CSMD1: variants seen among roughly 807,000 people sequenced by gnomAD.
The protein encoded by CSMD1 is CUB and Sushi multiple domains 1.
Under a neutral mutation model 417.5 loss-of-function variants are expected in CSMD1, and 213 were observed. The ratio of observed to expected loss-of-function variants is 0.51; its 90% CI spans 0.46 to 0.57. The LOEUF is 0.57. Ranked by LOEUF, CSMD1 falls within the 20% of genes least tolerant of loss-of-function variation. The pLI is 0.00. For synonymous variants in CSMD1, 2,862 were observed against 1,736.8 expected, an observed-to-expected ratio of 1.65 and a Z score of -16.11; for missense variants, 6,923 against 4,529.7, an observed-to-expected ratio of 1.53 and a Z score of -15.17.
intron 3 of CSMD1, among the ~76,000 whole-genome samples, chr8:4,169,128 A>C (rs1427709471): frequency 3.3e-5 from 5 of 152,112 alleles, no homozygotes; most frequent in Non-Finnish European, 7.4e-5. Flanking sequence ...CTGTAAGCTC[A>C]CTGGTGGTGA....
chr8:4,238,065 C>T (rs1482506827), intron 3 of CSMD1, among the ~76,000 whole-genome samples: 2 of 152,106 alleles, frequency 1.3e-5, no homozygotes, highest in Non-Finnish European at 2.9e-5. Context: ...CCCTAGGAGG[C>T]CTCAAGAGAT....
intron 3 of CSMD1, among the ~76,000 whole-genome samples, chr8:4,371,758 G>A (rs1013450138): frequency 7.9e-5 from 12 of 152,202 alleles, no homozygotes; most frequent in South Asian, 2.1e-4. Flanking sequence ...AGGTCTTTAC[G>A]GTTACATAAT....
At chr8:4,586,296 A>G (rs1045574870) in intron 2 of CSMD1, among the ~76,000 whole-genome samples, 20 of 152,106 alleles carry the variant, frequency 1.3e-4, no homozygotes, top group African/African-American at 4.6e-4. Context: ...GCCATTCCCA[A>G]TTTTTCCCCA....
intron 7 of CSMD1, among the ~76,000 whole-genome samples, chr8:3,699,690 A>G (rs1036159466): frequency 1.3e-5 from 2 of 152,208 alleles, no homozygotes; most frequent in African/African-American, 4.8e-5. Context: ...ACACTATAAG[A>G]CTATAATTTC....
At chr8:4,789,561 G>A (rs1025463338) in intron 1 of CSMD1, among the ~76,000 whole-genome samples, 2 of 152,214 alleles carry the variant, frequency 1.3e-5, no homozygotes, top group African/African-American at 4.8e-5. Context: ...CAAAGCTTTT[G>A]TTCACAATCT....
At chr8:3,524,081 A>C (rs1797644857) in intron 10 of CSMD1, among the ~76,000 whole-genome samples, 1 of 151,562 alleles carries the variant, frequency 6.6e-6, no homozygotes, top group Non-Finnish European at 1.5e-5. Flanking sequence ...TTACACATGC[A>C]CACACGCATG....
At chr8:3,429,986 ATGTG>A (rs1194010613) in intron 12 of CSMD1, among the ~76,000 whole-genome samples, 1 of 152,180 alleles carries the variant, frequency 6.6e-6, no homozygotes, top group Non-Finnish European at 1.5e-5. Context: ...GTATGTATGT[ATGTG>A]TGTATGGGTA....
At chr8:4,823,337 A>T (rs1018617321) in intron 1 of CSMD1, among the ~76,000 whole-genome samples, 2 of 152,088 alleles carry the variant, frequency 1.3e-5, no homozygotes, top group Non-Finnish European at 2.9e-5. Context: ...AGTTTTTAAA[A>T]TGTATTACAA....
intron 5 of CSMD1, among the ~76,000 whole-genome samples, chr8:3,795,245 T>G (rs1202469226): frequency 1.0e-5 from 1 of 96,278 alleles, no homozygotes; most frequent in Non-Finnish European, 2.0e-5. Flanking sequence ...ATATCTATCA[T>G]GTACACATAT....
At chr8:4,813,062 C>T (rs1044607753) in intron 1 of CSMD1, among the ~76,000 whole-genome samples, 1 of 152,190 alleles carries the variant, frequency 6.6e-6, no homozygotes, top group Non-Finnish European at 1.5e-5. Context: ...TAAGATCCCT[C>T]TGGCAGAGGT....
intron 3 of CSMD1, among the ~76,000 whole-genome samples, chr8:4,124,220 C>A (rs1366395930): frequency 6.6e-6 from 1 of 152,160 alleles, no homozygotes; most frequent in South Asian, 2.1e-4. Context: ...TTCAGGGCTC[C>A]TGGGCAGGGG....
chr8:4,423,443 A>C (rs1198941798), intron 2 of CSMD1, among the ~76,000 whole-genome samples: 5 of 152,092 alleles, frequency 3.3e-5, no homozygotes, highest in Admixed American at 1.3e-4. Context: ...AAAATCTGAA[A>C]TACATCAATC....
intron 5 of CSMD1, among the ~76,000 whole-genome samples, chr8:3,905,635 G>A (rs931762368): frequency 6.6e-6 from 1 of 152,174 alleles, no homozygotes; most frequent in South Asian, 2.1e-4. Flanking sequence ...TACATTTCTA[G>A]CACTGTCCCA....
chr8:3,765,241 G>C (rs554542669), intron 5 of CSMD1, among the ~76,000 whole-genome samples: 2 of 152,122 alleles, frequency 1.3e-5, no homozygotes, highest in Admixed American at 1.3e-4. Flanking sequence ...CTGTGCTCCT[G>C]CTTTCGCCCT....
At chr8:3,092,611 T>C (rs1017226479) in intron 47 of CSMD1, among the ~76,000 whole-genome samples, 1 of 152,210 alleles carries the variant, frequency 6.6e-6, no homozygotes, top group African/African-American at 2.4e-5. Flanking sequence ...TTTTCATTTT[T>C]CACCTGTCTA....
intron 2 of CSMD1, among the ~76,000 whole-genome samples, chr8:4,569,682 C>G (rs181508744): frequency 1.2e-4 from 19 of 152,184 alleles, no homozygotes; most frequent in Admixed American, 1.2e-3. Context: ...TGAACAAAGT[C>G]AATGGTAGCT....
rs1231180237 is a variant in CSMD1, at chr8:4,116,790, G to C, written c.416-84691C>G. On this transcript the variant is annotated intron_variant, in intron 3 of 69. Transcript: ENST00000635120. ...GAAACTCTATAGTCTGTTCGGTTTT[G>C]CTGTCAACCTAAAACTACTCTAAAA... 7.3e-5 allele frequency among the ~76,000 whole-genome samples: 11 copies of C among 151,466 alleles called. 1 individual carries two copies. Among genetic ancestry groups the C allele is most frequent in the Non-Finnish European group, 1.6e-4 (11 of 67,980 alleles).
At chr8:3,943,372 G>T (rs1187730132) in intron 5 of CSMD1, among the ~76,000 whole-genome samples, 4 of 141,534 alleles carry the variant, frequency 2.8e-5, no homozygotes, top group Non-Finnish European at 4.6e-5. Flanking sequence ...AAAAAAAAAA[G>T]TCAGATAGCT....
At chr8:3,487,046 AC>A (rs1818080057) in intron 11 of CSMD1, among the ~76,000 whole-genome samples, 1 of 152,166 alleles carries the variant, frequency 6.6e-6, no homozygotes, top group South Asian at 2.1e-4. Context: ...AAAAGCACTT[AC>A]CTGGCATAAC....
Sources: allele counts gnomAD v4.1 joint callset (sites outside exome capture counted in the v4.1 genomes callset), GRCh38; gene constraint gnomAD v4.1.1; transcripts MANE v1.5; gene names NCBI Gene and HGNC (gene_info 2026-07-23, HGNC 2026-07-21).